KCNAB1: variants seen among roughly 807,000 people sequenced by gnomAD.
KCNAB1 encodes the protein voltage-gated potassium channel subunit beta-1.
KCNAB1 carries 35 observed loss-of-function variants against 64.6 expected under a neutral mutation model. The observed-to-expected ratio is 0.54, with a 90% CI of 0.41 to 0.72. The LOEUF (loss-of-function observed/expected upper bound fraction) is 0.72. Ranked by LOEUF, KCNAB1 falls within the 30% of genes least tolerant of loss-of-function variation. KCNAB1 has a pLI of 0.00. For missense variants in KCNAB1, 401 were observed against 512.9 expected (o/e 0.78, Z 2.11); for synonymous variants, 177 against 183.8 (o/e 0.96, Z 0.30).
intron 1 of KCNAB1, among the ~76,000 whole-genome samples, chr3:156,180,861 A>C (rs1374724077): frequency 6.6e-6 from 1 of 152,178 alleles, no homozygotes; most frequent in African/African-American, 2.4e-5. Context: ...GAAGATGTAC[A>C]TTAGTTTGTT....
At chr3:156,140,770 C>T (rs751496787) in intron 1 of KCNAB1, among the ~76,000 whole-genome samples, 4 of 151,956 alleles carry the variant, frequency 2.6e-5, no homozygotes, top group Non-Finnish European at 4.4e-5. Flanking sequence ...GTTTGTGAAA[C>T]GGTTTAGAAG....
intron 1 of KCNAB1, among the ~76,000 whole-genome samples, chr3:156,324,424 G>T (rs966750995): frequency 6.6e-6 from 1 of 152,138 alleles, no homozygotes; most frequent in Non-Finnish European, 1.5e-5. Context: ...GGGAAATGTT[G>T]CCCATGTATG....
At chr3:156,495,947 C>T (rs548363143) in intron 8 of KCNAB1, among the ~76,000 whole-genome samples, 1 of 152,186 alleles carries the variant, frequency 6.6e-6, no homozygotes, top group African/African-American at 2.4e-5. Context: ...GGAGTCTGTG[C>T]CTGATGAATG....
At chr3:156,191,017 T>G (rs1309717337) in intron 1 of KCNAB1, among the ~76,000 whole-genome samples, 1 of 151,782 alleles carries the variant, frequency 6.6e-6, no homozygotes. Flanking sequence ...CAAGACAGAG[T>G]GGTAATATAA....
chr3:156,347,590 GT>G (rs60071569), intron 1 of KCNAB1, among the ~76,000 whole-genome samples: 23,746 of 152,090 alleles, frequency 0.16, 4,625 homozygotes, highest in African/African-American at 0.46. Flanking sequence ...ATTATAGTAT[GT>G]TATTGCCCCT....
intron 2 of KCNAB1, among the ~76,000 whole-genome samples, chr3:156,451,089 A>T (rs1030240956): frequency 6.6e-6 from 1 of 152,224 alleles, no homozygotes; most frequent in Non-Finnish European, 1.5e-5. Flanking sequence ...GGGGCTGTCT[A>T]CCTGGTGAGG....
chr3:156,318,630 G>A (rs1454260679), intron 1 of KCNAB1, among the ~76,000 whole-genome samples: 2 of 152,162 alleles, frequency 1.3e-5, no homozygotes, highest in African/African-American at 4.8e-5. Flanking sequence ...TCTCAAAAAG[G>A]TTTTGCTGAA....
chr3:156,199,324 A>G (rs1714176100), intron 1 of KCNAB1, among the ~76,000 whole-genome samples: 3 of 152,070 alleles, frequency 2.0e-5, no homozygotes, highest in Non-Finnish European at 4.4e-5. Context: ...GGAGTGTCTT[A>G]GTGGTGTTCT....
At chr3:156,377,601 C>T (rs1307281948) in intron 1 of KCNAB1, among the ~76,000 whole-genome samples, 1 of 152,080 alleles carries the variant, frequency 6.6e-6, no homozygotes, top group African/African-American at 2.4e-5. Context: ...AGTCACTTCA[C>T]GGATCCCAGC....
intron 8 of KCNAB1, among the ~76,000 whole-genome samples, chr3:156,476,584 T>C (rs13087037): frequency 0.41 from 61,365 of 148,532 alleles, 12,663 homozygotes; most frequent in South Asian, 0.5. Context: ...CACACATATA[T>C]ACACACACAC....
intron 1 of KCNAB1, among the ~76,000 whole-genome samples, chr3:156,414,969 G>A (rs915992002): frequency 3.3e-5 from 5 of 152,194 alleles, no homozygotes; most frequent in African/African-American, 1.2e-4. Flanking sequence ...TTTCTCCAAA[G>A]TGCCACCTTC....
chr3:156,429,632 C>T (rs773802273), intron 2 of KCNAB1, among the ~76,000 whole-genome samples: 5 of 152,174 alleles, frequency 3.3e-5, no homozygotes, highest in Non-Finnish European at 7.4e-5. Flanking sequence ...TAGGAGAACA[C>T]GACATTAAAT....
At chr3:156,408,945 A>G (rs769186976) in intron 1 of KCNAB1, among the ~76,000 whole-genome samples, 2 of 152,344 alleles carry the variant, frequency 1.3e-5, no homozygotes, top group Non-Finnish European at 2.9e-5. Context: ...CTAACATTCT[A>G]ATTAATGGAT....
In KCNAB1 at chr3:156,440,434, G is replaced by C. The variant is rs115325275; in HGVS notation, c.320-12465G>C. ...ACTTGTCTTCAGGCCAGGCTGCCAGGAGCTGTTCTTTGCTTCTCCTGAACC... is the reference window on the plus strand; with the variant it reads ...ACTTGTCTTCAGGCCAGGCTGCCAGCAGCTGTTCTTTGCTTCTCCTGAACC... On this transcript the variant is annotated intron_variant, in intron 2 of 13. Transcript: ENST00000490337. Among the ~76,000 whole-genome samples, 1,179 of 152,274 alleles carry C rather than the reference G, an allele frequency of 7.7e-3. 18 individuals are homozygous for C. The highest frequency in any genetic ancestry group is 0.027 in the African/African-American group (1,136 of 41,552).
intron 1 of KCNAB1, among the ~76,000 whole-genome samples, chr3:156,285,315 T>C (rs930414755): frequency 6.6e-6 from 1 of 152,218 alleles, no homozygotes; most frequent in Non-Finnish European, 1.5e-5. Context: ...CATCTTGTTC[T>C]AACATAAGAC....
chr3:156,356,117 G>GT (rs1243593747), intron 1 of KCNAB1, among the ~76,000 whole-genome samples: 5 of 104,166 alleles, frequency 4.8e-5, no homozygotes, highest in African/African-American at 1.9e-4. Context: ...GTGGGACCCT[G>GT]TAAAAAAAAA....
intron 1 of KCNAB1, among the ~76,000 whole-genome samples, chr3:156,312,877 G>A (rs780119237): frequency 7.9e-5 from 12 of 152,138 alleles, no homozygotes; most frequent in Admixed American, 3.3e-4. Context: ...TCAAGGCAGG[G>A]AAGGTGTTAA....
rs556939246 is a variant in KCNAB1, at chr3:156,179,704, T to A, written c.275+58818T>A. Among the ~76,000 whole-genome samples the A allele has an allele frequency of 3.9e-5, 6 of 152,340 alleles. No homozygotes were observed. In the South Asian group the frequency reaches 1.2e-3, roughly 32 times the overall value. ...CAGCAATAGAATGGACCGAAAGTGA[T>A]GAGACTACATATTGCTCTGTCAATG... On this transcript the variant is annotated intron_variant, in intron 1 of 13. Coordinates refer to ENST00000490337, the MANE Select transcript of KCNAB1 (RefSeq NM_172160.3).
chr3:156,289,696 G>A (rs1257737135), intron 1 of KCNAB1, among the ~76,000 whole-genome samples: 1 of 152,176 alleles, frequency 6.6e-6, no homozygotes, highest in African/African-American at 2.4e-5. Context: ...GGAAGGTTGT[G>A]GAGAGTGAAT....
Sources: allele counts gnomAD v4.1 joint callset (sites outside exome capture counted in the v4.1 genomes callset), GRCh38; gene constraint gnomAD v4.1.1; transcripts MANE v1.5; gene names NCBI Gene and HGNC (gene_info 2026-07-23, HGNC 2026-07-21).